DNA2: variants seen among roughly 807,000 people sequenced by gnomAD.
DNA2 encodes DNA replication helicase/nuclease 2, also known as DNA replication ATP-dependent helicase/nuclease DNA2.
A neutral mutation model predicts 119.1 loss-of-function variants in DNA2; 101 were observed. The ratio of observed to expected loss-of-function variants is 0.85; its 90% CI spans 0.72 to 1.00. The LOEUF (loss-of-function observed/expected upper bound fraction) is 1.00. Ranked by LOEUF, DNA2 falls within the 50% of genes least tolerant of loss-of-function variation. DNA2 has a pLI of 0.00. For synonymous variants in DNA2, 366 were observed against 424.4 expected, an observed-to-expected ratio of 0.86 and a Z score of 1.69; for missense variants, 1,121 against 1,255.5, an observed-to-expected ratio of 0.89 and a Z score of 1.62.
At chr10:68,424,519 AAC>A (rs2051709959) in intron 14 of DNA2, 27 of 668,132 alleles carry the variant, frequency 4.0e-5, no homozygotes, top group South Asian at 1.1e-4. Context: ...AAAAAAAAAA[AAC>A]AAAACAGGCC....
At chr10:68,424,918 AAC>A (rs1466527660) in intron 14 of DNA2, 2 of 703,456 alleles carry the variant, frequency 2.8e-6, no homozygotes, top group African/African-American at 3.5e-5. Flanking sequence ...AAAATTATTG[AAC>A]ACAAAGCCAA....
In DNA2 at chr10:68,430,581, T is replaced by C. The variant is rs761197902; in HGVS notation, c.2063A>G (p.Lys688Arg). The C allele has an allele frequency of 4.9e-5, 79 of 1,607,998 alleles. 1 individual carries two copies. In the South Asian group the frequency reaches 8.4e-4, roughly 17 times the overall value. ...THSAVDNILL[K>R]LAKFKIGFLR... ...AAATCCTATTTTAAACTTGGCTAAC[T>C]TCAAAAGAATATTGTCAACAGCAGA... Residue 688 changes from lysine to arginine, a missense_variant, in exon 14 of 21, where the codon AAG (lysine) becomes AGG (arginine). By Grantham distance (26) the Lys-to-Arg change is conservative. Transcript: ENST00000358410.
rs1277772076 is a variant in DNA2 at position 68,437,254 on chromosome 10, C to T, written c.1416-13G>A. ...GCCACTCTTCTCCCTATGAAAAGACCAAAGAGAAAAAAACTTCTGTTTATA... is the reference window on the plus strand; with the variant it reads ...GCCACTCTTCTCCCTATGAAAAGACTAAAGAGAAAAAAACTTCTGTTTATA... On this transcript the variant is annotated splice_polypyrimidine_tract_variant and intron_variant, in intron 9 of 20. Coordinates refer to ENST00000358410, the MANE Select transcript of DNA2 (RefSeq NM_001080449.3). 1 of 1,574,940 alleles carries T rather than the reference C, an allele frequency of 6.3e-7. No individual in the cohort carries two copies. The highest frequency in any genetic ancestry group is 1.4e-5 in the African/African-American group (1 of 73,074).
intron 4 of DNA2, among the ~76,000 whole-genome samples, chr10:68,464,371 C>T (rs188123425): frequency 1.3e-5 from 2 of 152,100 alleles, no homozygotes; most frequent in African/African-American, 2.4e-5. Context: ...AAAAATTAGC[C>T]GGGTGTGGTG....
In DNA2 at chr10:68,419,207, A is replaced by G. The variant is rs1167946928; in HGVS notation, c.2794T>C (p.Cys932Arg). 1 of 1,571,206 alleles carries G rather than the reference A, an allele frequency of 6.4e-7. No individual in the cohort carries two copies. The highest frequency in any genetic ancestry group is 8.6e-7 in the Non-Finnish European group (1 of 1,163,936). The change falls in exon 19 of 21, where the codon TGC becomes CGC. Residue 932 changes from cysteine to arginine, a missense_variant. Coordinates refer to ENST00000358410, the MANE Select transcript of DNA2 (RefSeq NM_001080449.3). The stretch of plus-strand genomic sequence containing the variant: ...ATAATACCAATATCAGAGGGACTGC[A>G]TCCAGCCTAAATAGAAAAAGACACA... ...FLTSIFVKAG[C>R]SPSDIGIIAP...
At chr10:68,430,029 G>A (rs1028557152) in intron 14 of DNA2, among the ~76,000 whole-genome samples, 23 of 151,146 alleles carry the variant, frequency 1.5e-4, no homozygotes, top group African/African-American at 4.4e-4. Context: ...AATTACAGGC[G>A]CCCACCACCA....
intron 19 of DNA2, among the ~76,000 whole-genome samples, chr10:68,418,669 A>ATTTTT (rs34507769): frequency 4.4e-5 from 5 of 113,844 alleles, no homozygotes; most frequent in Non-Finnish European, 8.8e-5. Context: ...TTAAACCGCA[A>ATTTTT]TTTTTTTTTT....
intron 9 of DNA2, among the ~76,000 whole-genome samples, chr10:68,438,891 G>A (rs987859496): frequency 1.3e-5 from 2 of 151,638 alleles, no homozygotes; most frequent in Non-Finnish European, 2.9e-5. Flanking sequence ...AAATTAGCCA[G>A]GCATGGTGGC....
chr10:68,421,231 C>T lies in DNA2; in HGVS notation c.2697+994G>A, dbSNP rs1590046931. 5.3e-5 allele frequency among the ~76,000 whole-genome samples: 8 copies of T among 152,162 alleles called. No individual in the cohort carries two copies. The South Asian group carries it at 1.2e-3, about 24-fold the overall frequency. ...GATTACAGGAGTGAGCCACTGTGCC[C>T]GGGTTTAAAGTCTGTTTTTTAAAAA... is the stretch of plus-strand genomic sequence containing the variant. On this transcript the variant is annotated intron_variant, in intron 17 of 20. Transcript: ENST00000358410.
At chr10:68,436,934 A>C in intron 10 of DNA2, 77 bp downstream of exon 10, 4 of 1,182,790 alleles carry the variant, frequency 3.4e-6, no homozygotes, top group Non-Finnish European at 3.6e-6. Flanking sequence ...CGAATTGTAC[A>C]TTTTAAATGG....
At chr10:68,418,478 TA>T (rs35448515) in intron 19 of DNA2, among the ~76,000 whole-genome samples, 10,326 of 140,810 alleles carry the variant, frequency 0.073, 537 homozygotes, top group African/African-American at 0.15. Context: ...TTATTTTCTT[TA>T]AAAAAAAAAA....
chr10:68,430,638 C>T lies in DNA2; in HGVS notation c.2006G>A (p.Gly669Asp), dbSNP rs1590054057. 6.3e-7 allele frequency: 1 copy of T among 1,598,434 alleles called. No individual in the cohort carries two copies. The highest frequency in any genetic ancestry group is 8.5e-7 in the Non-Finnish European group (1 of 1,172,236). Residue 669 changes from glycine (G) to aspartate (D), a missense_variant, in exon 14 of 21, where the codon GGT becomes GAT. Physicochemically the swap from Gly to Asp is moderately conservative, Grantham distance 94. Transcript: ENST00000358410. The part of the protein sequence containing the change: ...CTLVRILYAC[G>D]FSVLLTSYTH... ...ATAGCTGGTCAACAAAACGCTAAAA[C>T]CACAGGCGTAGAGAATTCTTACCTA...
chr10:68,444,216 C>CCTGTCTCTA (rs964701960), intron 8 of DNA2, among the ~76,000 whole-genome samples: 3 of 151,646 alleles, frequency 2.0e-5, no homozygotes, highest in African/African-American at 7.3e-5. Flanking sequence ...ATGGTGAAAC[C>CCTGTCTCTA]CTGTCTCTAC....
intron 5 of DNA2, among the ~76,000 whole-genome samples, chr10:68,456,873 G>A (rs1291005842): frequency 8.0e-5 from 12 of 150,620 alleles, no homozygotes; most frequent in Admixed American, 5.3e-4. Context: ...GGTGGCTCAC[G>A]CCTGTAATCC....
intron 17 of DNA2, among the ~76,000 whole-genome samples, chr10:68,421,190 C>G (rs1348451304): frequency 6.6e-6 from 1 of 151,992 alleles, no homozygotes; most frequent in African/African-American, 2.4e-5. Context: ...CCCCCCTCGG[C>G]CTCCCAAAGT....
At chr10:68,439,958 C>T (rs375637686) in intron 9 of DNA2, among the ~76,000 whole-genome samples, 1 of 151,482 alleles carries the variant, frequency 6.6e-6, no homozygotes, top group Non-Finnish European at 1.5e-5. Flanking sequence ...GAGCTGAGAT[C>T]GTGCCACTGC....
intron 6 of DNA2, among the ~76,000 whole-genome samples, chr10:68,447,899 G>A (rs1215337691): frequency 6.6e-6 from 1 of 151,350 alleles, no homozygotes; most frequent in Non-Finnish European, 1.5e-5. Context: ...CAGGAGAATG[G>A]CATGAACCCA....
In DNA2 at chr10:68,419,029, C is replaced by G; in HGVS notation, c.2967+5G>C. The stretch of plus-strand genomic sequence containing the variant: ...ATGAATCAGTAGCAAACACAATTAA[C>G]TCACAGTTCCATCCTTATTACTTCT... On this transcript the variant is annotated splice_donor_5th_base_variant and intron_variant, in intron 19 of 20. Coordinates refer to ENST00000358410, the MANE Select transcript of DNA2 (RefSeq NM_001080449.3). 1 of 1,579,334 alleles carries G rather than the reference C, an allele frequency of 6.3e-7. No homozygotes were observed. The highest frequency in any genetic ancestry group is 8.6e-7 in the Non-Finnish European group (1 of 1,166,874).
chr10:68,466,983 T>C (rs543860948), intron 3 of DNA2, among the ~76,000 whole-genome samples: 34 of 152,254 alleles, frequency 2.2e-4, no homozygotes, highest in African/African-American at 7.9e-4. Flanking sequence ...AAGGCTTCAG[T>C]GACACACTGC....
Sources: allele counts gnomAD v4.1 joint callset (sites outside exome capture counted in the v4.1 genomes callset), GRCh38; gene constraint gnomAD v4.1.1; transcripts MANE v1.5; gene names NCBI Gene and HGNC (gene_info 2026-07-23, HGNC 2026-07-21).